The following IFT52 variants were observed in gnomAD, a reference collection of about 807,000 sequenced individuals.
IFT52 encodes the protein intraflagellar transport protein 52 homolog.
Under a neutral mutation model 54.4 loss-of-function variants are expected in IFT52, and 44 were observed. The observed-to-expected ratio is 0.81, with a 90% CI of 0.63 to 1.04. IFT52 has a LOEUF of 1.04. IFT52 is among the 50% of genes least tolerant of loss of function. The pLI is 0.00. For synonymous variants in IFT52, 181 were observed against 185.3 expected (o/e 0.98, Z 0.19); for missense variants, 452 against 523.6 (o/e 0.86, Z 1.33).
intron 3 of IFT52, among the ~76,000 whole-genome samples, chr20:43,597,848 G>A (rs544399614): frequency 6.7e-6 from 1 of 150,302 alleles, no homozygotes; most frequent in African/African-American, 2.5e-5. Context: ...AGCAGAGATC[G>A]GGCCACTGCA....
At chr20:43,646,889 G>A (rs758161363) in intron 13 of IFT52, 47 bp from the exon 14 acceptor site, 4 of 1,459,742 alleles carry the variant, frequency 2.7e-6, no homozygotes. Flanking sequence ...TACATTTCAG[G>A]CTTTATACTG....
At chr20:43,592,547 T>G (rs1981612804) in intron 1 of IFT52, among the ~76,000 whole-genome samples, 1 of 147,142 alleles carries the variant, frequency 6.8e-6, no homozygotes, top group African/African-American at 2.5e-5. Context: ...GCACTCCAGC[T>G]TAGGCCACAG....
At chr20:43,606,005 G>C (rs960334299) in intron 6 of IFT52, among the ~76,000 whole-genome samples, 2 of 152,086 alleles carry the variant, frequency 1.3e-5, no homozygotes, top group Admixed American at 1.3e-4. Context: ...TGGATCACCT[G>C]AGGTCACGAG....
chr20:43,626,012 C>G (rs1239944914), intron 10 of IFT52, among the ~76,000 whole-genome samples: 1 of 97,854 alleles, frequency 1.0e-5, no homozygotes, highest in African/African-American at 4.2e-5. Context: ...AGAGAGAGAT[C>G]TTGTCTCCGG....
At chr20:43,603,554 A>G (rs925700781) in intron 3 of IFT52, among the ~76,000 whole-genome samples, 11 of 152,166 alleles carry the variant, frequency 7.2e-5, no homozygotes, top group Admixed American at 3.3e-4. Context: ...GAAATTGTCA[A>G]TTTACTTTGA....
Position 43,647,160 on chromosome 20 carries a change from A to G in IFT52, c.*177A>G. On this transcript the variant is annotated 3_prime_UTR_variant, in exon 14 of 14. Coordinates refer to ENST00000373030, the MANE Select transcript of IFT52 (RefSeq NM_016004.5). ...GTATAAGATTTTTCACAAAATCCTTATGTAAGATACATTCCATTTTTAAAA... is the reference window on the plus strand; with the variant it reads ...GTATAAGATTTTTCACAAAATCCTTGTGTAAGATACATTCCATTTTTAAAA... 1.7e-6 allele frequency: 1 copy of G among 598,032 alleles called. No individual in the cohort carries two copies. The highest frequency in any genetic ancestry group is 3.0e-5 in the Admixed American group (1 of 33,602). The allele number at this position is 598,032 out of a possible 1,614,324, so 37.0% of individuals were successfully genotyped here. A position where few individuals can be genotyped will look rare whatever the true frequency, so the allele number is the denominator to read the frequency against.
At position 43,610,073 on chromosome 20, in the gene IFT52, G is replaced by A. The variant is rs150518555; in HGVS notation, c.486-3777G>A. 4.6e-3 allele frequency among the ~76,000 whole-genome samples: 697 copies of A among 152,058 alleles called. 5 individuals are homozygous for A. The highest frequency in any genetic ancestry group is 7.8e-3 in the Non-Finnish European group (530 of 67,998). On this transcript the variant is annotated intron_variant, in intron 6 of 13. Coordinates refer to ENST00000373030, the MANE Select transcript of IFT52 (RefSeq NM_016004.5). ...CCAGCATTTTGGGAGACTGAGGCAG[G>A]CAGATCACCTGAGGTTAAGAGTTCA...
chr20:43,611,896 G>A (rs1983478868), intron 6 of IFT52, among the ~76,000 whole-genome samples: 1 of 151,808 alleles, frequency 6.6e-6, no homozygotes, highest in East Asian at 2.0e-4. Context: ...CGGGCGTGGT[G>A]GTGCACACCT....
chr20:43,638,961 A>G (rs1371456338), intron 12 of IFT52, among the ~76,000 whole-genome samples: 1 of 152,208 alleles, frequency 6.6e-6, no homozygotes, highest in African/African-American at 2.4e-5. Flanking sequence ...CTTCTGTGGC[A>G]GGCATTGCTG....
At chr20:43,604,703 A>G (rs1276370310) in intron 5 of IFT52, among the ~76,000 whole-genome samples, 1 of 151,722 alleles carries the variant, frequency 6.6e-6, no homozygotes, top group African/African-American at 2.4e-5. Flanking sequence ...GTTTTGTGTT[A>G]TTATAATTTA....
In IFT52 at chr20:43,627,001, C is replaced by T. The variant is rs1040726156; in HGVS notation, c.923+2956C>T. On this transcript the variant is annotated intron_variant, in intron 10 of 13. Transcript: ENST00000373030. ...CCAACATGGTGAAACCCCATCTCTACTAAAAATAGAAAAAAAGTAGCTAGG... is the reference window on the plus strand; with the variant it reads ...CCAACATGGTGAAACCCCATCTCTATTAAAAATAGAAAAAAAGTAGCTAGG... 2.0e-5 allele frequency among the ~76,000 whole-genome samples: 3 copies of T among 151,866 alleles called. No individual in the cohort carries two copies. In the East Asian group the frequency reaches 5.8e-4, roughly 29 times the overall value.
At chr20:43,604,943 T>A in intron 5 of IFT52, 59 bp from the exon 6 acceptor site, 3 of 1,550,180 alleles carry the variant, frequency 1.9e-6, no homozygotes, top group Non-Finnish European at 2.7e-6. Context: ...TACTAATGAA[T>A]GCAGTGTGAA....
At chr20:43,605,522 G>A (rs1982796236) in intron 6 of IFT52, among the ~76,000 whole-genome samples, 1 of 152,162 alleles carries the variant, frequency 6.6e-6, no homozygotes, top group Non-Finnish European at 1.5e-5. Context: ...ACTCCAGCCT[G>A]GGCAACAGAG....
At chr20:43,640,171 A>G (rs1306938213) in intron 12 of IFT52, among the ~76,000 whole-genome samples, 1 of 152,078 alleles carries the variant, frequency 6.6e-6, no homozygotes, top group Admixed American at 6.5e-5. Context: ...CTCAGAAAAG[A>G]AAAGGCCAGG....
chr20:43,639,814 G>T (rs1371563095), intron 12 of IFT52, among the ~76,000 whole-genome samples: 1 of 152,082 alleles, frequency 6.6e-6, no homozygotes, highest in Non-Finnish European at 1.5e-5. Context: ...TCCAGCCTGG[G>T]TGACAAAGGA....
intron 12 of IFT52, among the ~76,000 whole-genome samples, chr20:43,641,090 A>G (rs1376500349): frequency 1.3e-5 from 2 of 151,330 alleles, no homozygotes; most frequent in Admixed American, 1.3e-4. Context: ...TGAGAAGGGC[A>G]GTAATGGCTG....
chr20:43,606,093 C>A (rs943017186), intron 6 of IFT52, among the ~76,000 whole-genome samples: 1 of 151,718 alleles, frequency 6.6e-6, no homozygotes, highest in East Asian at 2.0e-4. Flanking sequence ...TGGTAGTGGG[C>A]GCCTATAATC....
Position 43,642,938 on chromosome 20 carries a change from A to G in IFT52, c.1266+314A>G, listed in dbSNP as rs191893952. On this transcript the variant is annotated intron_variant, in intron 13 of 13. Transcript: ENST00000373030. ...TCCCAACACTTTGGGAGGCTGAGGT[A>G]GGCAGATCACCCGAGGTCAGGAGTT... Among the ~76,000 whole-genome samples the G allele has an allele frequency of 6.6e-5, 10 of 152,210 alleles. No homozygotes were observed. The East Asian group carries it at 1.5e-3, about 24-fold the overall frequency.
chr20:43,615,675 AC>A (rs1205014232), intron 7 of IFT52, among the ~76,000 whole-genome samples: 12 of 152,202 alleles, frequency 7.9e-5, no homozygotes, highest in Admixed American at 5.2e-4. Flanking sequence ...GTAGTGGCTC[AC>A]GCCTGTAATC....
Sources: allele counts gnomAD v4.1 joint callset (sites outside exome capture counted in the v4.1 genomes callset), GRCh38; gene constraint gnomAD v4.1.1; transcripts MANE v1.5; gene names NCBI Gene and HGNC (gene_info 2026-07-23, HGNC 2026-07-21).